Variants in EPB42 observed in about 807,000 individuals in gnomAD.
EPB42 encodes protein 4.2.
Under a neutral mutation model 76.9 loss-of-function variants are expected in EPB42, and 49 were observed. The observed-to-expected ratio is 0.64, with a 90% CI of 0.51 to 0.81. The LOEUF is 0.81. EPB42 is among the 30% of genes least tolerant of loss of function. The pLI, the probability that EPB42 is intolerant of heterozygous loss-of-function variation, is 0.00. For synonymous variants in EPB42, 310 were observed against 338.4 expected, an observed-to-expected ratio of 0.92 and a Z score of 0.92; for missense variants, 731 against 867.6, an observed-to-expected ratio of 0.84 and a Z score of 1.98.
chr15:43,212,994 A>G (rs1157991647), intron 3 of EPB42, among the ~76,000 whole-genome samples: 1 of 152,152 alleles, frequency 6.6e-6, no homozygotes, highest in African/African-American at 2.4e-5. Context: ...CAACAGAAGG[A>G]TAAGACACCA....
intron 7 of EPB42, 23 bp downstream of exon 7, chr15:43,208,614 C>T (rs777210835): frequency 1.2e-6 from 2 of 1,613,878 alleles, no homozygotes; most frequent in Admixed American, 1.7e-5. Flanking sequence ...GGACTGGAAC[C>T]TCATCTCCCT....
rs939478786 is a variant in EPB42, at chr15:43,220,984, C to A, written c.-159G>T. ...GAAATAGCAAAACCTCCCCCCACTA[C>A]TCCTGTGAGCACCCTGACATGTTTC... On this transcript the variant is annotated 5_prime_UTR_variant, in exon 1 of 13. Transcript: ENST00000441366. 3.0e-6 allele frequency: 2 copies of A among 677,614 alleles called. No homozygotes were observed. Among genetic ancestry groups the A allele is most frequent in the South Asian group, 1.6e-5 (1 of 62,434 alleles). The allele number at this position is 677,614 out of a possible 1,614,324, so 42.0% of individuals were successfully genotyped here. A position where few individuals can be genotyped will look rare whatever the true frequency, so the allele number is the denominator to read the frequency against.
intron 12 of EPB42, 78 bp from the exon 13 acceptor site, chr15:43,197,542 C>T: frequency 6.4e-7 from 1 of 1,553,074 alleles, no homozygotes. Context: ...TTGATCCTTC[C>T]TTGCTTGAAG....
At chr15:43,214,075 G>C (rs2042339552) in intron 3 of EPB42, among the ~76,000 whole-genome samples, 1 of 152,228 alleles carries the variant, frequency 6.6e-6, no homozygotes, top group Non-Finnish European at 1.5e-5. Context: ...AGAGGAAAAG[G>C]GCTATGTACT....
In EPB42 at chr15:43,215,216, G is replaced by T. The variant is rs2042359138; in HGVS notation, c.309C>A (p.Thr103=). 1 of 1,614,106 alleles carries T rather than the reference G, an allele frequency of 6.2e-7. No homozygotes were observed. Among genetic ancestry groups the T allele is most frequent in the Non-Finnish European group, 8.5e-7 (1 of 1,180,058 alleles). ...CGTCCGCAGGTGTGGTCACAGAGAT[G>T]GTCCAGGACTGGGCATCTCTCTCCT... ...VVEERDAQSW[T]ISVTTPADAV... is the part of the protein sequence containing the mutation. The change falls in exon 3 of 13, where the codon ACC becomes ACA. Residue 103 remains threonine (T), a synonymous_variant. Coordinates refer to ENST00000441366, the MANE Select transcript of EPB42 (RefSeq NM_001114134.2).
At chr15:43,218,056 C>A (rs1323722810) in intron 1 of EPB42, among the ~76,000 whole-genome samples, 1 of 152,162 alleles carries the variant, frequency 6.6e-6, no homozygotes, top group African/African-American at 2.4e-5. Flanking sequence ...CCCCCTCCTC[C>A]ACTTGGCTTG....
chr15:43,208,517 G>T, intron 7 of EPB42, 120 bp downstream of exon 7: 1 of 1,525,834 alleles, frequency 6.6e-7, no homozygotes, highest in Non-Finnish European at 9.1e-7. Context: ...CGCCTCTAAG[G>T]GTCTTGAAAG....
intron 4 of EPB42, among the ~76,000 whole-genome samples, chr15:43,210,677 G>A (rs997671526): frequency 6.6e-6 from 1 of 152,140 alleles, no homozygotes; most frequent in South Asian, 2.1e-4. Flanking sequence ...CCTATCTGTT[G>A]TCTGACTCCC....
Position 43,208,533 on chromosome 15 carries a change from T to C in EPB42, c.971+104A>G, listed in dbSNP as rs151215859. The C allele has an allele frequency of 4.9e-3, 7,723 of 1,566,354 alleles. 68 individuals are homozygous for C. The highest frequency in any genetic ancestry group is 0.028 in the Middle Eastern group (165 of 5,956). The stretch of plus-strand genomic sequence containing the variant: ...GCCTCTAAGGGTCTTGAAAGCCTAC[T>C]CTCCATGCCAGGGCCATGCAGGGGG... On this transcript the variant is annotated intron_variant, in intron 7 of 12. Transcript: ENST00000441366.
At chr15:43,210,245 G>C (rs2042272528) in intron 5 of EPB42, 90 bp downstream of exon 5, 1 of 1,138,206 alleles carries the variant, frequency 8.8e-7, no homozygotes, top group South Asian at 1.2e-5. Context: ...TGTGATTTGG[G>C]GGTTTCTGAG....
At chr15:43,211,939 G>C (rs906365516) in intron 3 of EPB42, among the ~76,000 whole-genome samples, 2 of 151,938 alleles carry the variant, frequency 1.3e-5, no homozygotes, top group South Asian at 4.1e-4. Context: ...GTGGTGGTAC[G>C]CACTTGTAGT....
chr15:43,217,538 G>GA (rs71111807), intron 1 of EPB42, among the ~76,000 whole-genome samples: 147,694 of 152,174 alleles, frequency 0.97, 71,812 homozygotes, highest in East Asian at 1. Context: ...AACAATGCTG[G>GA]AAAAAAAGTT....
At chr15:43,224,786 ATTTGTTTT>A (rs1415442964), upstream of EPB42, among the ~76,000 whole-genome samples, 2 of 152,166 alleles carry the variant, frequency 1.3e-5, no homozygotes, top group African/African-American at 4.8e-5. Context: ...ATGTTTGTTT[ATTTGTTTT>A]GAGACAGGGT....
Position 43,197,387 on chromosome 15 carries a change from A to G in EPB42, c.1991T>C (p.Leu664Pro). 1.2e-6 allele frequency: 2 copies of G among 1,614,150 alleles called. No homozygotes were observed. Among genetic ancestry groups the G allele is most frequent in the Non-Finnish European group, 1.7e-6 (2 of 1,180,008 alleles). ...CATGTTGCAGTCCACTTCCACAGTG[A>G]GTCTCTGGAGCCCCACATGTGTTGG... ...FTPTHVGLQR[L>P]TVEVDCNMFQ... Residue 664 changes from leucine to proline, a missense_variant, in exon 13 of 13, where the codon CTC (leucine) becomes CCC (proline). Physicochemically the swap from Leu to Pro is moderately conservative, Grantham distance 98 (BLOSUM62 -3). Transcript: ENST00000441366.
Position 43,220,952 on chromosome 15 carries a change from GA to G in EPB42, c.-128del, listed in dbSNP as rs2042454223. On this transcript the variant is annotated 5_prime_UTR_variant, in exon 1 of 13. Coordinates refer to ENST00000441366, the MANE Select transcript of EPB42 (RefSeq NM_001114134.2). ...TATGAAGGCACTTTTGTTGGCTTAA[GA>G]ATCTGGAAATAGCAAAACCTCCCCC... is the stretch of plus-strand genomic sequence containing the variant. 3 of 846,694 alleles carry G rather than the reference GA, an allele frequency of 3.5e-6. No homozygotes were observed. The South Asian group carries it at 4.1e-5, about 12-fold the overall frequency. The allele number at this position is 846,694 out of a possible 1,614,324, so 52.4% of individuals were successfully genotyped here.
At chr15:43,219,694 T>G (rs543992389) in intron 1 of EPB42, among the ~76,000 whole-genome samples, 33 of 152,342 alleles carry the variant, frequency 2.2e-4, no homozygotes, top group Admixed American at 2.1e-3. Flanking sequence ...ACGCCTGTAA[T>G]CCCAGAACTT....
In EPB42 at chr15:43,206,398, T is replaced by C; in HGVS notation, c.1550A>G (p.His517Arg). The stretch of plus-strand genomic sequence containing the variant: ...CTTGGCAGCAAGGACACCGTTGTAG[T>C]GTACAGCCTGGACCCCAATTGCCAG... ...VQLAIGVQAV[H>R]YNGVLAAKLW... The change falls in exon 10 of 13, where the codon CAC becomes CGC. Residue 517 changes from histidine (H) to arginine (R), a missense_variant. Physicochemically the swap from His to Arg is conservative, Grantham distance 29. Coordinates refer to ENST00000441366, the MANE Select transcript of EPB42 (RefSeq NM_001114134.2). This position sits in a 1 kb window ranked among gnomAD's most constrained non-coding sequence, Gnocchi z 4.7. 1.9e-6 allele frequency: 3 copies of C among 1,614,126 alleles called. No homozygotes were observed. Among genetic ancestry groups the C allele is most frequent in the Non-Finnish European group, 2.5e-6 (3 of 1,180,010 alleles).
At chr15:43,219,247 A>G (rs2042423184) in intron 1 of EPB42, among the ~76,000 whole-genome samples, 1 of 152,246 alleles carries the variant, frequency 6.6e-6, no homozygotes, top group Non-Finnish European at 1.5e-5. Context: ...TACAGGAGAC[A>G]TAAACGCCCT....
At chr15:43,223,385 T>A (rs1363716506), upstream of EPB42, among the ~76,000 whole-genome samples, 1 of 152,144 alleles carries the variant, frequency 6.6e-6, no homozygotes, top group Non-Finnish European at 1.5e-5. Context: ...CACGAAGGAT[T>A]AATCTCCTTA....
Sources: gnomAD v4.1 joint callset for allele counts (sites outside exome capture counted in the v4.1 genomes callset) on GRCh38, gnomAD v4.1.1 for gene constraint, Gnocchi (gnomAD v3.1) non-coding constraint, MANE v1.5 for transcripts, NCBI Gene and HGNC (gene_info 2026-07-23, HGNC 2026-07-21) for gene names.